PTPRM: variants seen among roughly 807,000 people sequenced by gnomAD.
The protein encoded by PTPRM is protein tyrosine phosphatase receptor type M.
Under a neutral mutation model 186.7 loss-of-function variants are expected in PTPRM, and 47 were observed. The ratio of observed to expected loss-of-function variants is 0.25; its 90% CI spans 0.20 to 0.32. The LOEUF (loss-of-function observed/expected upper bound fraction) is 0.32. PTPRM is among the 10% of genes least tolerant of loss of function. The pLI, the probability that PTPRM is intolerant of heterozygous loss-of-function variation, is 1.00. For missense variants in PTPRM, 1,494 were observed against 1,865.0 expected (o/e 0.80, Z 3.66); for synonymous variants, 668 against 674.9 (o/e 0.99, Z 0.16).
At chr18:8,354,132 G>A (rs1368094371) in intron 23 of PTPRM, among the ~76,000 whole-genome samples, 4 of 151,660 alleles carry the variant, frequency 2.6e-5, no homozygotes, top group Admixed American at 6.6e-5. Flanking sequence ...AGAATCGCTT[G>A]AACCCAGGAG....
Position 8,121,648 on chromosome 18 carries a change from C to T in PTPRM, c.2167+6821C>T, listed in dbSNP as rs1345977594. 2.0e-5 allele frequency among the ~76,000 whole-genome samples: 3 copies of T among 152,038 alleles called. No homozygotes were observed. In the East Asian group the frequency reaches 5.8e-4, roughly 29 times the overall value. ...TACTTGGAGATGCATTTTTTATTCT[C>T]TTAAAGTGAAAAAATAAAGTTCCTG... On this transcript the variant is annotated intron_variant, in intron 13 of 32. Coordinates refer to ENST00000580170, the MANE Select transcript of PTPRM (RefSeq NM_001105244.2).
At chr18:8,388,960 C>CA (rs2095795007) in intron 31 of PTPRM, among the ~76,000 whole-genome samples, 1 of 150,384 alleles carries the variant, frequency 6.6e-6, no homozygotes, top group Non-Finnish European at 1.5e-5. Context: ...GACTCCATCT[C>CA]AAAGAAAAGA....
chr18:8,018,028 A>G (rs1343531848), intron 7 of PTPRM: 1 of 152,262 alleles, frequency 6.6e-6, no homozygotes, highest in African/African-American at 2.4e-5. Context: ...GAATGGGCCA[A>G]TGCTGAAGCC....
In PTPRM at chr18:7,567,579, G is replaced by A. The variant is rs982734041; in HGVS notation, c.-240G>A. Reference sequence around the variant, plus strand: ...GGCTCGCCCTCCGCTCCCTCTGCCAGCGGCGCCAGACGCCGAGTGGGGCCA... The same window carrying A: ...GGCTCGCCCTCCGCTCCCTCTGCCAACGGCGCCAGACGCCGAGTGGGGCCA... On this transcript the variant is annotated 5_prime_UTR_variant, in exon 1 of 33. Transcript: ENST00000580170. The surrounding 1 kb of genome is among the most constrained non-coding windows in gnomAD (Gnocchi z 4.3). 4.1e-5 allele frequency: 16 copies of A among 392,318 alleles called. No homozygotes were observed. The highest frequency in any genetic ancestry group is 1.3e-5 in the Non-Finnish European group (3 of 223,260). The allele number at this position is 392,318 out of a possible 1,614,324, so 24.3% of individuals were successfully genotyped here.
At chr18:7,679,886 G>A (rs1385509396) in intron 1 of PTPRM, among the ~76,000 whole-genome samples, 2 of 151,332 alleles carry the variant, frequency 1.3e-5, no homozygotes, top group East Asian at 1.9e-4. Flanking sequence ...TATTTTTTGC[G>A]ACAAGATCTC....
At position 7,568,142 on chromosome 18, in the gene PTPRM, C is replaced by T. The variant is rs888250307; in HGVS notation, c.73+251C>T. Among the ~76,000 whole-genome samples the T allele has an allele frequency of 1.3e-5, 2 of 151,944 alleles. No homozygotes were observed. Among genetic ancestry groups the T allele is most frequent in the Non-Finnish European group, 2.9e-5 (2 of 67,944 alleles). The stretch of plus-strand genomic sequence containing the variant: ...CGAGCTCCCCAGCCGGGACTGCCAG[C>T]TCGGCCGCCGTCCTTCCGCGGCCTG... On this transcript the variant is annotated intron_variant, in intron 1 of 32. Transcript: ENST00000580170. The surrounding 1 kb of genome is among the most constrained non-coding windows in gnomAD (Gnocchi z 5.1).
At chr18:8,305,321 A>G (rs575459578) in intron 20 of PTPRM, among the ~76,000 whole-genome samples, 1 of 152,346 alleles carries the variant, frequency 6.6e-6, no homozygotes, top group East Asian at 1.9e-4. Flanking sequence ...GCAAAAATGA[A>G]ATAGTGCAGA....
rs34903203 is a variant in PTPRM, at chr18:8,054,298, AATAT to A, written c.1133-15367_1133-15364del. ...AGTAGTAATATATACTAGTAGTAGT[AATAT>A]ATATATATATATATATATATTACTA... On this transcript the variant is annotated intron_variant, in intron 7 of 32. Coordinates refer to ENST00000580170, the MANE Select transcript of PTPRM (RefSeq NM_001105244.2). Among the ~76,000 whole-genome samples the A allele has an allele frequency of 4.7e-3, 616 of 131,688 alleles. 19 individuals are homozygous for A. The highest frequency in any genetic ancestry group is 0.019 in the African/African-American group (598 of 30,794). 86.4% of individuals were successfully genotyped at this position (131,688 alleles called of 152,430 possible).
chr18:7,892,007 C>A (rs2049108158), intron 3 of PTPRM, among the ~76,000 whole-genome samples: 1 of 152,178 alleles, frequency 6.6e-6, no homozygotes, highest in African/African-American at 2.4e-5. Flanking sequence ...GGAGCCTTTC[C>A]CAAAGTAGGG....
At chr18:7,952,870 G>A (rs1014896979) in intron 6 of PTPRM, among the ~76,000 whole-genome samples, 4 of 152,048 alleles carry the variant, frequency 2.6e-5, no homozygotes, top group African/African-American at 9.7e-5. Flanking sequence ...ACCAGCTGTG[G>A]TGGCACACAC....
intron 2 of PTPRM, among the ~76,000 whole-genome samples, chr18:7,813,477 G>T (rs1390643226): frequency 6.6e-6 from 1 of 152,138 alleles, no homozygotes; most frequent in Non-Finnish European, 1.5e-5. Context: ...AACCACGTAA[G>T]AAATACTCAA....
chr18:8,105,255 TCAC>T (rs1392360658), intron 11 of PTPRM, among the ~76,000 whole-genome samples: 1 of 152,178 alleles, frequency 6.6e-6, no homozygotes, highest in African/African-American at 2.4e-5. Context: ...TCCCTTACTA[TCAC>T]CACCACCACT....
chr18:8,359,675 G>A (rs1024961630), intron 23 of PTPRM, among the ~76,000 whole-genome samples: 2 of 152,230 alleles, frequency 1.3e-5, no homozygotes, highest in African/African-American at 4.8e-5. Context: ...ATGGACAAGT[G>A]CACCTGGGAC....
At chr18:7,981,629 A>C (rs1430798745) in intron 7 of PTPRM, among the ~76,000 whole-genome samples, 4 of 152,210 alleles carry the variant, frequency 2.6e-5, no homozygotes, top group African/African-American at 9.7e-5. Context: ...ATGAGTATGA[A>C]GTATATGCAG....
At chr18:7,942,695 C>G (rs1188150319) in intron 5 of PTPRM, among the ~76,000 whole-genome samples, 1 of 152,076 alleles carries the variant, frequency 6.6e-6, no homozygotes, top group Non-Finnish European at 1.5e-5. Flanking sequence ...TTGTGGTTTT[C>G]TCAGCTTCTT....
At chr18:7,860,129 GT>G (rs1432379074) in intron 2 of PTPRM, among the ~76,000 whole-genome samples, 1 of 151,742 alleles carries the variant, frequency 6.6e-6, no homozygotes, top group Non-Finnish European at 1.5e-5. Flanking sequence ...CTGGAGTGCA[GT>G]GGTGCAGTCT....
Position 8,141,276 on chromosome 18 carries a change from C to G in PTPRM, c.2168-2371C>G, listed in dbSNP as rs1327323772. ...CCAAACACCCGACTCAACCGGATGGCCACTCCCAGGCAGCCCTCCCACCTT... is the reference window on the plus strand; with the variant it reads ...CCAAACACCCGACTCAACCGGATGGGCACTCCCAGGCAGCCCTCCCACCTT... On this transcript the variant is annotated intron_variant, in intron 13 of 32. Transcript: ENST00000580170. Among the ~76,000 whole-genome samples, 3 of 152,188 alleles carry G rather than the reference C, an allele frequency of 2.0e-5. No homozygotes were observed. In the East Asian group the frequency reaches 5.8e-4, roughly 29 times the overall value.
At chr18:7,988,053 C>T (rs969925783) in intron 7 of PTPRM, among the ~76,000 whole-genome samples, 6 of 150,566 alleles carry the variant, frequency 4.0e-5, no homozygotes, top group Admixed American at 4.0e-4. Context: ...GGCTTAGTGG[C>T]ATGTGCCTGT....
chr18:8,006,378 C>G (rs971073441), intron 7 of PTPRM, among the ~76,000 whole-genome samples: 7 of 152,122 alleles, frequency 4.6e-5, no homozygotes, highest in Non-Finnish European at 8.8e-5. Context: ...TACAGTGGCC[C>G]TGTTCGCATA....
Sources: allele counts gnomAD v4.1 joint callset (sites outside exome capture counted in the v4.1 genomes callset), GRCh38; gene constraint gnomAD v4.1.1; non-coding constraint Gnocchi (gnomAD v3.1); transcripts MANE v1.5; gene names NCBI Gene and HGNC (gene_info 2026-07-23, HGNC 2026-07-21).